LRRK1: variants seen among roughly 807,000 people sequenced by gnomAD.
LRRK1 encodes the protein leucine-rich repeat serine/threonine-protein kinase 1.
A neutral mutation model predicts 209.1 loss-of-function variants in LRRK1; 113 were observed. That is an observed-to-expected ratio of 0.54 (90% CI 0.46 to 0.63). The LOEUF is 0.63. Ranked by LOEUF, LRRK1 falls within the 30% of genes least tolerant of loss-of-function variation. The pLI is 0.00. For missense variants in LRRK1, 2,284 were observed against 2,632.2 expected (o/e 0.87, Z 2.89); for synonymous variants, 1,144 against 1,099.7 (o/e 1.04, Z -0.80).
chr15:100,936,144 T>C (rs2042295599), intron 2 of LRRK1, among the ~76,000 whole-genome samples: 1 of 152,216 alleles, frequency 6.6e-6, no homozygotes, highest in Non-Finnish European at 1.5e-5. Flanking sequence ...GAAGGAGGGA[T>C]CAAAGATGTA....
At position 100,989,388 on chromosome 15, in the gene LRRK1, C is replaced by G; in HGVS notation, c.752C>G (p.Pro251Arg). Residue 251 changes from proline (P) to arginine (R), a missense_variant, in exon 6 of 34, where the codon CCG becomes CGG. Coordinates refer to ENST00000388948, the MANE Select transcript of LRRK1 (RefSeq NM_024652.6). The stretch of plus-strand genomic sequence containing the variant: ...GCCAGTCCCTTGCCCAGCAGTTATC[C>G]GGGAAAAACAGTGAGTAGTCACTGC... ...IEASPLPSSY[P>R]GKTALRVKWS... 6.2e-7 allele frequency: 1 copy of G among 1,614,136 alleles called. No homozygotes were observed. Among genetic ancestry groups the G allele is most frequent in the South Asian group, 1.1e-5 (1 of 91,072 alleles).
intron 2 of LRRK1, among the ~76,000 whole-genome samples, chr15:100,926,680 C>CTTTTTTT (rs71151990): frequency 3.2e-3 from 260 of 81,746 alleles, no homozygotes; most frequent in Middle Eastern, 0.016. Context: ...TTCTTTTTTT[C>CTTTTTTT]TTTTTTTTTT....
At chr15:100,929,280 C>G (rs945697162) in intron 2 of LRRK1, among the ~76,000 whole-genome samples, 1 of 152,100 alleles carries the variant, frequency 6.6e-6, no homozygotes, top group Non-Finnish European at 1.5e-5. Context: ...CTCGCCCCCC[C>G]AGCTCTCTGT....
intron 2 of LRRK1, among the ~76,000 whole-genome samples, chr15:100,942,521 G>A (rs1036770283): frequency 1.3e-5 from 2 of 152,172 alleles, no homozygotes; most frequent in Non-Finnish European, 2.9e-5. Context: ...AGTTATGGAA[G>A]ACATGGATTT....
In LRRK1 at chr15:101,022,518, C is replaced by G; in HGVS notation, c.1988C>G (p.Ala663Gly). The G allele has an allele frequency of 6.2e-7, 1 of 1,613,932 alleles. No individual in the cohort carries two copies. Among genetic ancestry groups the G allele is most frequent in the Non-Finnish European group, 8.5e-7 (1 of 1,179,880 alleles). Residue 663 changes from alanine to glycine, a missense_variant, in exon 15 of 34, where the codon GCC (alanine) becomes GGC (glycine). Coordinates refer to ENST00000388948, the MANE Select transcript of LRRK1 (RefSeq NM_024652.6). This position sits in a 1 kb window ranked among gnomAD's most constrained non-coding sequence, Gnocchi z 4.0. The stretch of plus-strand genomic sequence containing the variant: ...CTGGAGATCTTACAGACGGGGAGGG[C>G]CCCCCAGGTGGTGCATGGAGAGGCC... ...TLLEILQTGR[A>G]PQVVHGEATI... is the part of the protein sequence containing the mutation.
intron 33 of LRRK1, 27 bp from the exon 34 acceptor site, chr15:101,068,644 T>C: frequency 6.5e-7 from 1 of 1,538,310 alleles, no homozygotes; most frequent in South Asian, 1.3e-5. Context: ...CCCCTGTGAG[T>C]TTCCTCAGAC....
chr15:100,994,106 T>C (rs372312675), intron 6 of LRRK1, among the ~76,000 whole-genome samples: 134 of 152,362 alleles, frequency 8.8e-4, no homozygotes, highest in Non-Finnish European at 1.5e-3. Flanking sequence ...CCAAGCACTT[T>C]CTTAACTAAT....
chr15:101,058,199 A>C (rs1450744816), intron 29 of LRRK1, 58 bp downstream of exon 29: 1 of 1,562,586 alleles, frequency 6.4e-7, no homozygotes, highest in Admixed American at 1.7e-5. Context: ...GCCGCCGTGG[A>C]ATCTGGGAAC....
intron 2 of LRRK1, among the ~76,000 whole-genome samples, chr15:100,949,861 C>G (rs1298182237): frequency 1.3e-5 from 2 of 151,974 alleles, no homozygotes; most frequent in African/African-American, 2.4e-5. Context: ...GAAACTTCCT[C>G]AATCTGATAA....
chr15:101,014,691 T>G (rs1227887085), intron 11 of LRRK1, among the ~76,000 whole-genome samples: 1 of 152,202 alleles, frequency 6.6e-6, no homozygotes, highest in Non-Finnish European at 1.5e-5. Context: ...CGGTCAGGCC[T>G]CTGTTCACGT....
intron 2 of LRRK1, among the ~76,000 whole-genome samples, chr15:100,933,821 CAAAAAAAAAAAA>C (rs67129854): frequency 2.3e-4 from 10 of 42,866 alleles, no homozygotes; most frequent in Non-Finnish European, 3.1e-4. Context: ...GACTCCATCT[CAAAAAAAAAAAA>C]AAAAAAAAAA....
At position 101,048,648 on chromosome 15, in the gene LRRK1, G is replaced by A. The variant is rs1319288561; in HGVS notation, c.3290G>A (p.Gly1097Asp). ...QEGLLVTFDG[G>D]YLSVESSDVN... Reference sequence around the variant, plus strand: ...GGGCTCCTGGTCACTTTTGATGGGGGCTACCTCAGGTAGGAACACCTGGAA... The same window carrying A: ...GGGCTCCTGGTCACTTTTGATGGGGACTACCTCAGGTAGGAACACCTGGAA... The change falls in exon 22 of 34, where the codon GGC (glycine) becomes GAC (aspartate). Residue 1097 changes from glycine to aspartate, a missense_variant. Transcript: ENST00000388948. The A allele has an allele frequency of 1.3e-6, 2 of 1,519,066 alleles. No homozygotes were observed. The highest frequency in any genetic ancestry group is 1.3e-5 in the South Asian group (1 of 75,766). The allele number at this position is 1,519,066 out of a possible 1,614,324, so 94.1% of individuals were successfully genotyped here.
At position 101,051,868 on chromosome 15, in the gene LRRK1, G is replaced by A. The variant is rs2035468631; in HGVS notation, c.3597G>A (p.Glu1199=). 2 of 1,614,008 alleles carry A rather than the reference G, an allele frequency of 1.2e-6. No individual in the cohort carries two copies. Among genetic ancestry groups the A allele is most frequent in the African/African-American group, 1.3e-5 (1 of 74,936 alleles). ...AAGACTGTGTCCTGACGGCCATCGA[G>A]CGGGACTTCATCTCCTGCCCCAGAC... is the stretch of plus-strand genomic sequence containing the variant. ...DMEDCVLTAI[E]RDFISCPRHP... Residue 1199 remains glutamate, a synonymous_variant, in exon 24 of 34, where the codon GAG becomes GAA. Transcript: ENST00000388948.
rs78912719 is a variant in LRRK1 at position 100,985,569 on chromosome 15, G to A, written c.433+1870G>A. ...CATCAGGGGGCAGGGTAGGGTCTCC[G>A]AAGGGAGGCTGACATCTGACCTGGG... is the stretch of plus-strand genomic sequence containing the variant. On this transcript the variant is annotated intron_variant, in intron 4 of 33. Coordinates refer to ENST00000388948, the MANE Select transcript of LRRK1 (RefSeq NM_024652.6). Among the ~76,000 whole-genome samples, 832 of 152,296 alleles carry A rather than the reference G, an allele frequency of 5.5e-3. 6 individuals carry two copies. The highest frequency in any genetic ancestry group is 9.1e-3 in the Non-Finnish European group (616 of 68,028).
intron 2 of LRRK1, among the ~76,000 whole-genome samples, chr15:100,939,054 T>C (rs1478964128): frequency 6.6e-6 from 1 of 152,164 alleles, no homozygotes; most frequent in Non-Finnish European, 1.5e-5. Context: ...GATCATGCCA[T>C]TGCACTCCAG....
At chr15:100,995,564 A>G (rs921717518) in intron 6 of LRRK1, among the ~76,000 whole-genome samples, 3 of 152,178 alleles carry the variant, frequency 2.0e-5, no homozygotes, top group Non-Finnish European at 4.4e-5. Context: ...CTGAACATCT[A>G]ATGAGACGGC....
intron 20 of LRRK1, among the ~76,000 whole-genome samples, chr15:101,039,670 G>A (rs1188732902): frequency 6.6e-6 from 1 of 152,170 alleles, no homozygotes; most frequent in East Asian, 1.9e-4. Context: ...TCTCAGGGGG[G>A]AAGCATTCAG....
At position 101,051,955 on chromosome 15, in the gene LRRK1, G is replaced by A. The variant is rs537117067; in HGVS notation, c.3684G>A (p.Pro1228=). The change falls in exon 24 of 34, where the codon CCG becomes CCA. Residue 1228 remains proline (P), a synonymous_variant. Transcript: ENST00000388948. ...LVPELFMTDF[P]ARLFLENSKL... is the part of the protein sequence containing the mutation. The stretch of plus-strand genomic sequence containing the variant: ...CTGAACTGTTCATGACCGACTTCCC[G>A]GCCAGGTATGCCCCGAAGGCCCCTC... The A allele has an allele frequency of 1.6e-5, 26 of 1,612,818 alleles. No individual in the cohort carries two copies. The highest frequency in any genetic ancestry group is 6.7e-5 in the Admixed American group (4 of 59,986).
At chr15:101,007,615 G>A (rs1235714696) in intron 6 of LRRK1, among the ~76,000 whole-genome samples, 6 of 152,128 alleles carry the variant, frequency 3.9e-5, no homozygotes, top group Non-Finnish European at 8.8e-5. Flanking sequence ...AGAGGAGCGG[G>A]AGCTTTCTAG....
Sources: allele counts gnomAD v4.1 joint callset (sites outside exome capture counted in the v4.1 genomes callset), GRCh38; gene constraint gnomAD v4.1.1; non-coding constraint Gnocchi (gnomAD v3.1); transcripts MANE v1.5; gene names NCBI Gene and HGNC (gene_info 2026-07-23, HGNC 2026-07-21).